FBXL13: variants seen among roughly 807,000 people sequenced by gnomAD.
FBXL13 encodes the protein F-box and leucine rich repeat protein 13.
A neutral mutation model predicts 83.6 loss-of-function variants in FBXL13; 67 were observed. The ratio of observed to expected loss-of-function variants is 0.80; its 90% confidence interval spans 0.66 to 0.98. The LOEUF (loss-of-function observed/expected upper bound fraction) is 0.98. Among genes scored for constraint, FBXL13 ranks in the 50% least tolerant of loss-of-function variants. The pLI, the probability that FBXL13 is intolerant of heterozygous loss-of-function variation, is 0.00. For missense variants in FBXL13, 822 were observed against 866.5 expected, an observed-to-expected ratio of 0.95 and a Z score of 0.64; for synonymous variants, 272 against 299.5, an observed-to-expected ratio of 0.91 and a Z score of 0.95.
intron 17 of FBXL13, among the ~76,000 whole-genome samples, chr7:102,841,024 G>GTTAT (rs1016041492): frequency 6.6e-5 from 10 of 152,120 alleles, no homozygotes; most frequent in Admixed American, 1.3e-4. Context: ...GATAGGGAGG[G>GTTAT]TTATTACAAA....
At chr7:103,003,278 GTTT>G (rs563726626) in intron 6 of FBXL13, among the ~76,000 whole-genome samples, 21 of 75,922 alleles carry the variant, frequency 2.8e-4, no homozygotes, top group African/African-American at 5.9e-4. Flanking sequence ...TTGTTTTGGG[GTTT>G]TTTTTTTTTT....
At chr7:102,866,441 G>T (rs1258543961) in intron 16 of FBXL13, among the ~76,000 whole-genome samples, 1 of 152,088 alleles carries the variant, frequency 6.6e-6, no homozygotes, top group Non-Finnish European at 1.5e-5. Context: ...GAGAGGTCCA[G>T]CTCCATATGA....
Position 102,953,008 on chromosome 7 carries a change from C to A in FBXL13, c.724+10525G>T, listed in dbSNP as rs549079621. Among the ~76,000 whole-genome samples, 582 of 151,858 alleles carry A rather than the reference C, an allele frequency of 3.8e-3. 5 individuals are homozygous for A. Among genetic ancestry groups the A allele is most frequent in the African/African-American group, 0.014 (567 of 41,406 alleles). ...CAAAACAAACAAACAAACAAACAAA[C>A]AAAAAAACCCTCCAACAGAGAGCCT... On this transcript the variant is annotated intron_variant, in intron 8 of 19. Transcript: ENST00000313221.
chr7:102,984,513 C>A (rs531104920), intron 6 of FBXL13, among the ~76,000 whole-genome samples: 4 of 152,284 alleles, frequency 2.6e-5, no homozygotes, highest in African/African-American at 9.6e-5. Context: ...TGGTATAGTT[C>A]CAGTACAAAT....
At position 103,027,384 on chromosome 7, in the gene FBXL13, T is replaced by C. The variant is rs936425298; in HGVS notation, c.327+65A>G. Reference sequence around the variant, plus strand: ...GTATTTTCCACACACGGCATTACTATTTGAGGCAACATGAATATAACTGAA... The same window carrying C: ...GTATTTTCCACACACGGCATTACTACTTGAGGCAACATGAATATAACTGAA... On this transcript the variant is annotated intron_variant, in intron 5 of 19. Transcript: ENST00000313221. 36 of 1,076,092 alleles carry C rather than the reference T, an allele frequency of 3.3e-5. No homozygotes were observed. In the African/African-American group the frequency reaches 4.4e-4, roughly 13 times the overall value. 66.7% of individuals were successfully genotyped at this position (1,076,092 alleles called of 1,614,324 possible). A position where few individuals can be genotyped will look rare whatever the true frequency, so the allele number is the denominator to read the frequency against.
chr7:102,972,715 AAAGAT>A (rs1328100693), intron 6 of FBXL13, among the ~76,000 whole-genome samples: 1 of 151,594 alleles, frequency 6.6e-6, no homozygotes, highest in East Asian at 1.9e-4. Flanking sequence ...AAACATATAA[AAAGAT>A]AATAAATAAT....
chr7:102,927,304 C>T (rs1818323199), intron 9 of FBXL13, among the ~76,000 whole-genome samples: 1 of 152,134 alleles, frequency 6.6e-6, no homozygotes, highest in Non-Finnish European at 1.5e-5. Flanking sequence ...TTTGACGCTA[C>T]ATCAGTCCCA....
chr7:103,048,065 A>C (rs1796452678), intron 2 of FBXL13, among the ~76,000 whole-genome samples: 1 of 152,170 alleles, frequency 6.6e-6, no homozygotes. Context: ...CATTATTTTT[A>C]TTTTGACAAT....
chr7:103,037,267 A>G (rs968315674), intron 2 of FBXL13, among the ~76,000 whole-genome samples: 19 of 152,228 alleles, frequency 1.2e-4, no homozygotes, highest in Non-Finnish European at 8.8e-5. Flanking sequence ...AGAGCCAACA[A>G]GGATACAGGA....
At chr7:102,853,184 AAGTG>A (rs1340593876) in intron 17 of FBXL13, among the ~76,000 whole-genome samples, 1 of 152,106 alleles carries the variant, frequency 6.6e-6, no homozygotes, top group African/African-American at 2.4e-5. Context: ...AAAGGGTGGG[AAGTG>A]AGTGAGGAAT....
intron 11 of FBXL13, 156 bp downstream of exon 12, chr7:102,912,930 G>T: frequency 1.0e-6 from 1 of 953,710 alleles, no homozygotes; most frequent in East Asian, 2.7e-5. Flanking sequence ...AGCGATCCTG[G>T]GGAAAATTTC....
intron 8 of FBXL13, among the ~76,000 whole-genome samples, chr7:102,953,535 G>GA (rs1179627218): frequency 6.6e-6 from 1 of 151,396 alleles, no homozygotes; most frequent in African/African-American, 2.4e-5. Flanking sequence ...TGTAAGAAAA[G>GA]AAAAAAAAGG....
At chr7:102,842,149 T>C (rs1049668891) in intron 17 of FBXL13, among the ~76,000 whole-genome samples, 1 of 152,200 alleles carries the variant, frequency 6.6e-6, no homozygotes, top group Non-Finnish European at 1.5e-5. Flanking sequence ...GTCCGGACGT[T>C]CCACCTCCCC....
intron 9 of FBXL13, among the ~76,000 whole-genome samples, 182 bp from the exon 11 acceptor site, chr7:102,926,556 A>G (rs1818173992): frequency 6.6e-6 from 1 of 152,226 alleles, no homozygotes; most frequent in Non-Finnish European, 1.5e-5. Flanking sequence ...GCTTTTGCTC[A>G]AAGCATCATT....
intron 7 of FBXL13, among the ~76,000 whole-genome samples, chr7:102,965,303 T>C (rs1297646823): frequency 6.6e-6 from 1 of 152,186 alleles, no homozygotes; most frequent in African/African-American, 2.4e-5. Context: ...TGGCTATGAC[T>C]TAACTAAGGC....
intron 11 of FBXL13, among the ~76,000 whole-genome samples, chr7:102,897,194 G>C (rs1247490482): frequency 6.6e-6 from 1 of 151,706 alleles, no homozygotes; most frequent in Non-Finnish European, 1.5e-5. Flanking sequence ...ATATATATGA[G>C]TGCTTGTTAT....
At chr7:102,932,595 CG>C (rs1338762447) in intron 8 of FBXL13, among the ~76,000 whole-genome samples, 2 of 2,570 alleles carry the variant, frequency 7.8e-4, no homozygotes, top group Non-Finnish European at 4.7e-3. Context: ...TTGTTTGTTT[CG>C]TTTTTTTGAG....
At chr7:102,974,128 T>C (rs1285102790) in intron 6 of FBXL13, among the ~76,000 whole-genome samples, 3 of 152,164 alleles carry the variant, frequency 2.0e-5, no homozygotes, top group African/African-American at 7.2e-5. Flanking sequence ...CGGTGGCTCA[T>C]GCCTGTAATC....
At chr7:102,970,851 G>A (rs996227864) in intron 6 of FBXL13, among the ~76,000 whole-genome samples, 2 of 152,010 alleles carry the variant, frequency 1.3e-5, no homozygotes, top group African/African-American at 4.8e-5. Context: ...GCTAAGAAGA[G>A]AATCAACAAA....
Sources: allele counts gnomAD v4.1 joint callset (sites outside exome capture counted in the v4.1 genomes callset), GRCh38; gene constraint gnomAD v4.1.1; transcripts MANE v1.5; gene names NCBI Gene and HGNC (gene_info 2026-07-23, HGNC 2026-07-21).